TENT2: variants seen among roughly 807,000 people sequenced by gnomAD.
The protein encoded by TENT2 is poly(A) RNA polymerase GLD2.
Under a neutral mutation model 72.2 loss-of-function variants are expected in TENT2, and 44 were observed. The observed-to-expected ratio is 0.61, with a 90% CI of 0.48 to 0.78. The LOEUF (loss-of-function observed/expected upper bound fraction) is 0.78. Among genes scored for constraint, TENT2 ranks in the 30% least tolerant of loss-of-function variants. The probability of loss-of-function intolerance (pLI) is 0.00; values close to 1 mark genes in which losing one functional copy is unlikely to be tolerated. For synonymous variants in TENT2, 212 were observed against 192.5 expected (o/e 1.10, Z -0.84); for missense variants, 541 against 569.6 (o/e 0.95, Z 0.51).
intron 10 of TENT2, among the ~76,000 whole-genome samples, chr5:79,654,653 A>G (rs1465002876): frequency 2.0e-5 from 3 of 152,010 alleles, no homozygotes; most frequent in Admixed American, 1.3e-4. Context: ...CATCCCAGCT[A>G]GTGGGGTGGC....
chr5:79,676,149 T>TAC (rs1481430180), intron 12 of TENT2, among the ~76,000 whole-genome samples: 6 of 137,724 alleles, frequency 4.4e-5, no homozygotes, highest in Non-Finnish European at 9.0e-5. Flanking sequence ...CATATATATA[T>TAC]ACATATATAT....
At chr5:79,645,682 T>G (rs1788277198) in intron 8 of TENT2, among the ~76,000 whole-genome samples, 1 of 152,158 alleles carries the variant, frequency 6.6e-6, no homozygotes, top group South Asian at 2.1e-4. Context: ...TTCTACCAGC[T>G]TGGGTTCTGA....
chr5:79,651,489 G>A (rs972583025), intron 10 of TENT2, among the ~76,000 whole-genome samples: 3 of 151,580 alleles, frequency 2.0e-5, no homozygotes, highest in Non-Finnish European at 4.4e-5. Flanking sequence ...CTTCATAAAA[G>A]ATGGTGCATA....
At chr5:79,627,207 A>T (rs914322021) in intron 4 of TENT2, among the ~76,000 whole-genome samples, 2 of 151,850 alleles carry the variant, frequency 1.3e-5, no homozygotes, top group African/African-American at 2.4e-5. Flanking sequence ...ATTTATAATG[A>T]TAAACTATTG....
At chr5:79,681,736 C>T (rs892285592) in intron 13 of TENT2, 2 of 343,464 alleles carry the variant, frequency 5.8e-6, no homozygotes, top group African/African-American at 4.2e-5. Context: ...ACTTAACACA[C>T]CTATGCTGAT....
chr5:79,653,327 A>G (rs1000762552), intron 10 of TENT2, among the ~76,000 whole-genome samples: 29 of 152,120 alleles, frequency 1.9e-4, no homozygotes, highest in South Asian at 4.2e-4. Context: ...ATCTACAAAA[A>G]TAAAAAATGA....
chr5:79,633,294 A>G (rs1356347358), intron 4 of TENT2, among the ~76,000 whole-genome samples: 2 of 152,066 alleles, frequency 1.3e-5, no homozygotes, highest in African/African-American at 4.8e-5. Context: ...TGCTATAATG[A>G]CCTGTTTTCT....
chr5:79,634,369 C>T (rs753935827), intron 4 of TENT2, among the ~76,000 whole-genome samples: 1 of 152,100 alleles, frequency 6.6e-6, no homozygotes, highest in East Asian at 1.9e-4. Flanking sequence ...TGGAGTCTTG[C>T]TCTGTTGCCC....
intron 1 of TENT2, chr5:79,614,138 T>C (rs1354736321): frequency 2.7e-5 from 4 of 148,472 alleles, no homozygotes; most frequent in Non-Finnish European, 5.9e-5. Context: ...AATCTTGATC[T>C]TGTCACCCAG....
At chr5:79,683,328 C>T (rs1419408112) in intron 14 of TENT2, among the ~76,000 whole-genome samples, 1 of 151,616 alleles carries the variant, frequency 6.6e-6, no homozygotes, top group Non-Finnish European at 1.5e-5. Context: ...CACACACACA[C>T]ACACACACAC....
rs1561570762 is a variant in TENT2 at position 79,668,794 on chromosome 5, C to A, written c.1072-98C>A. The A allele has an allele frequency of 2.9e-6, 4 of 1,369,312 alleles. No individual in the cohort carries two copies. In the East Asian group the frequency reaches 9.3e-5, roughly 32 times the overall value. The allele number at this position is 1,369,312 out of a possible 1,614,324, so 84.8% of individuals were successfully genotyped here. A position where few individuals can be genotyped will look rare whatever the true frequency, so the allele number is the denominator to read the frequency against. ...AATTGCCAAATAGAGTAAATTTCTTCTCTCTTTTTCAAAGAGGAGCCTAGT... is the reference window on the plus strand; with the variant it reads ...AATTGCCAAATAGAGTAAATTTCTTATCTCTTTTTCAAAGAGGAGCCTAGT... On this transcript the variant is annotated intron_variant, in intron 11 of 14. Coordinates refer to ENST00000453514, the MANE Select transcript of TENT2 (RefSeq NM_001114394.3).
chr5:79,631,783 A>G (rs1165339446), intron 4 of TENT2, among the ~76,000 whole-genome samples: 3 of 152,190 alleles, frequency 2.0e-5, no homozygotes, highest in South Asian at 2.1e-4. Flanking sequence ...GAAAAGAACA[A>G]TCATGAATAA....
At position 79,681,150 on chromosome 5, in the gene TENT2, A is replaced by ATTTT. The variant is rs1158559796; in HGVS notation, c.1301-807_1301-804dup. Among the ~76,000 whole-genome samples, 13 of 44,750 alleles carry ATTTT rather than the reference A, an allele frequency of 2.9e-4. 3 individuals carry two copies. The highest frequency in any genetic ancestry group is 7.5e-4 in the East Asian group (1 of 1,326). 29.4% of individuals were successfully genotyped at this position (44,750 alleles called of 152,430 possible). ...AGTTACTTCTTTTTTCTTTTCTTTG[A>ATTTT]TTTTTTTTTTTTTTTTTTTTTTTTT... On this transcript the variant is annotated intron_variant, in intron 13 of 14. Transcript: ENST00000453514.
At chr5:79,631,049 T>A (rs955594217) in intron 4 of TENT2, among the ~76,000 whole-genome samples, 2 of 152,124 alleles carry the variant, frequency 1.3e-5, no homozygotes, top group Non-Finnish European at 2.9e-5. Context: ...TGATGATATA[T>A]TAGATTACAG....
intron 10 of TENT2, among the ~76,000 whole-genome samples, chr5:79,651,092 GA>G (rs917793130): frequency 1.6e-4 from 25 of 151,552 alleles, no homozygotes; most frequent in African/African-American, 4.8e-4. Flanking sequence ...AAAGTGGACA[GA>G]AAAAAAATAC....
chr5:79,645,602 C>G (rs1365024088), intron 8 of TENT2, among the ~76,000 whole-genome samples: 2 of 151,762 alleles, frequency 1.3e-5, no homozygotes, highest in Non-Finnish European at 2.9e-5. Context: ...ACATATAATA[C>G]CTAGAGTAAT....
At chr5:79,626,069 T>C (rs551504576) in intron 4 of TENT2, among the ~76,000 whole-genome samples, 64 of 152,020 alleles carry the variant, frequency 4.2e-4, no homozygotes, top group African/African-American at 1.5e-3. Context: ...CCTCGTGATC[T>C]ACCCACTTTG....
Position 79,640,946 on chromosome 5 carries a change from A to T in TENT2, c.561A>T (p.Glu187Asp), listed in dbSNP as rs1038455203. 1.4e-5 allele frequency: 23 copies of T among 1,607,312 alleles called. No individual in the cohort carries two copies. Among genetic ancestry groups the T allele is most frequent in the Non-Finnish European group, 1.7e-5 (20 of 1,177,218 alleles). Reference protein sequence around the residue: ...KELCRTQLQREIQLLFPQSRL... With the variant: ...KELCRTQLQRDIQLLFPQSRL... ...TCTGTCGAACACAGCTGCAGAGAGA[A>T]ATTCAGCTGTTATTTCCACGTATGT... The change falls in exon 5 of 15, where the codon GAA becomes GAT. Residue 187 changes from glutamate (E) to aspartate (D), a missense_variant. Transcript: ENST00000453514.
At chr5:79,634,306 A>G (rs1778311073) in intron 4 of TENT2, among the ~76,000 whole-genome samples, 1 of 152,166 alleles carries the variant, frequency 6.6e-6, no homozygotes, top group South Asian at 2.1e-4. Flanking sequence ...AAAAATGAAC[A>G]TTCACATTTG....
Sources: allele counts gnomAD v4.1 joint callset (sites outside exome capture counted in the v4.1 genomes callset), GRCh38; gene constraint gnomAD v4.1.1; transcripts MANE v1.5; gene names NCBI Gene and HGNC (gene_info 2026-07-23, HGNC 2026-07-21).